TUSC3: variants seen among roughly 807,000 people sequenced by gnomAD.
TUSC3 encodes dolichyl-diphosphooligosaccharide--protein glycosyltransferase subunit TUSC3.
TUSC3 carries 45 observed loss-of-function variants against 44.8 expected under a neutral mutation model. The observed-to-expected ratio is 1.00, with a 90% confidence interval of 0.79 to 1.29. TUSC3 has a LOEUF of 1.29. Among genes scored for constraint, TUSC3 ranks in the 50% most tolerant of loss-of-function variants. The probability of loss-of-function intolerance (pLI) is 0.00; values close to 1 mark genes in which losing one functional copy is unlikely to be tolerated. For missense variants in TUSC3, 519 were observed against 437.9 expected (o/e 1.19, Z -1.65); for synonymous variants, 212 against 152.9 (o/e 1.39, Z -2.85).
chr8:15,727,347 C>G (rs1056027535), intron 6 of TUSC3, among the ~76,000 whole-genome samples: 2 of 152,092 alleles, frequency 1.3e-5, no homozygotes, highest in Non-Finnish European at 2.9e-5. Context: ...CCAGTAATCT[C>G]TTTGTTGCAC....
rs1413208180 is a variant in TUSC3 at position 15,708,044 on chromosome 8, A to G, written c.799-22622A>G. Among the ~76,000 whole-genome samples, 4 of 152,004 alleles carry G rather than the reference A, an allele frequency of 2.6e-5. No homozygotes were observed. In the East Asian group the frequency reaches 7.8e-4, roughly 29 times the overall value. Reference sequence around the variant, plus strand: ...CCTTTTCTGTCTCTTATAAAGTTATAAAGATACTCTCATTGGATTTTGGGC... The same window carrying G: ...CCTTTTCTGTCTCTTATAAAGTTATGAAGATACTCTCATTGGATTTTGGGC... On this transcript the variant is annotated intron_variant, in intron 6 of 10. Transcript: ENST00000503731.
intron 2 of TUSC3, among the ~76,000 whole-genome samples, chr8:15,493,342 G>A (rs1488576906): frequency 6.6e-6 from 1 of 151,922 alleles, no homozygotes; most frequent in African/African-American, 2.4e-5. Flanking sequence ...CTCACAGCAG[G>A]GTCAAACTCC....
the TUSC3 span, among the ~76,000 whole-genome samples, chr8:15,803,331 T>C: frequency 4.6e-5 from 7 of 152,150 alleles, no homozygotes; most frequent in South Asian, 6.2e-4. Flanking sequence ...AGTACTATCA[T>C]CCTAATTAGA....
intron 5 of TUSC3, among the ~76,000 whole-genome samples, chr8:15,665,294 A>G (rs1217446044): frequency 6.6e-6 from 1 of 151,454 alleles, no homozygotes; most frequent in Non-Finnish European, 1.5e-5. Context: ...TGAATGAGAG[A>G]AATGTCTGGT....
At chr8:15,638,056 C>T (rs755846059) in intron 2 of TUSC3, among the ~76,000 whole-genome samples, 1 of 152,142 alleles carries the variant, frequency 6.6e-6, no homozygotes. Flanking sequence ...AAGCCCCTTT[C>T]TTTATGTTCC....
chr8:15,779,512 G>A, the TUSC3 span, among the ~76,000 whole-genome samples: 8 of 152,240 alleles, frequency 5.3e-5, no homozygotes, highest in East Asian at 1.4e-3. Context: ...CTGTCTAAAC[G>A]TCGTCACACT....
At chr8:15,594,360 A>C (rs1158069355) in intron 1 of TUSC3, among the ~76,000 whole-genome samples, 3 of 152,020 alleles carry the variant, frequency 2.0e-5, no homozygotes, top group Non-Finnish European at 4.4e-5. Flanking sequence ...CATCAGTGTC[A>C]GTTCTGGGTT....
At chr8:15,721,454 T>C (rs1190687865) in intron 6 of TUSC3, among the ~76,000 whole-genome samples, 2 of 152,026 alleles carry the variant, frequency 1.3e-5, no homozygotes, top group African/African-American at 4.8e-5. Context: ...TCCCCCAGGA[T>C]AAAAATTAAA....
chr8:15,781,639 G>C, the TUSC3 span, among the ~76,000 whole-genome samples: 1 of 152,164 alleles, frequency 6.6e-6, no homozygotes. Flanking sequence ...TGAGCCAAGA[G>C]ATTGAAATAG....
intron 3 of TUSC3, among the ~76,000 whole-genome samples, chr8:15,657,452 A>C (rs1295833131): frequency 6.6e-6 from 1 of 152,180 alleles, no homozygotes; most frequent in Admixed American, 6.5e-5. Context: ...AGTTCTTTGC[A>C]GTTTGTAAGA....
intron 1 of TUSC3, among the ~76,000 whole-genome samples, chr8:15,480,524 C>A (rs1213641994): frequency 6.6e-6 from 1 of 152,172 alleles, no homozygotes; most frequent in Admixed American, 6.5e-5. Context: ...ATAGCAGGAA[C>A]TCTTGCCTCA....
intron 5 of TUSC3, among the ~76,000 whole-genome samples, chr8:15,673,148 A>G (rs1266586145): frequency 1.3e-5 from 2 of 152,050 alleles, no homozygotes; most frequent in African/African-American, 2.4e-5. Context: ...TAGTTTTCCA[A>G]CTACAGCTTT....
chr8:15,520,200 A>T (rs140681278), intron 2 of TUSC3, among the ~76,000 whole-genome samples: 1 of 152,352 alleles, frequency 6.6e-6, no homozygotes, highest in East Asian at 1.9e-4. Flanking sequence ...AACACTGAGA[A>T]AGAGGAAAAA....
chr8:15,748,507 A>G (rs1464657321), intron 9 of TUSC3, 42 bp downstream of exon 9: 3 of 1,443,660 alleles, frequency 2.1e-6, no homozygotes, highest in Non-Finnish European at 2.9e-6. Context: ...ATTTTTAACT[A>G]ATAGAACAGA....
chr8:15,671,244 T>A (rs763475522), intron 5 of TUSC3, among the ~76,000 whole-genome samples: 1 of 152,004 alleles, frequency 6.6e-6, no homozygotes, highest in Non-Finnish European at 1.5e-5. Context: ...AGAGAGCTCC[T>A]GTCTTTCTGT....
intron 1 of TUSC3, among the ~76,000 whole-genome samples, chr8:15,573,875 T>C (rs960155720): frequency 1.3e-5 from 2 of 152,068 alleles, no homozygotes; most frequent in Admixed American, 6.6e-5. Context: ...ATTGCAACTT[T>C]CCTGACAGTT....
chr8:15,685,081 G>C (rs1808574573), intron 6 of TUSC3, among the ~76,000 whole-genome samples: 1 of 152,184 alleles, frequency 6.6e-6, no homozygotes, highest in African/African-American at 2.4e-5. Flanking sequence ...AACACCTTTG[G>C]TCACATTTTG....
At chr8:15,671,285 T>A (rs1164111010) in intron 5 of TUSC3, among the ~76,000 whole-genome samples, 1 of 152,010 alleles carries the variant, frequency 6.6e-6, no homozygotes, top group Non-Finnish European at 1.5e-5. Context: ...AATCTAGCTG[T>A]AACTATGAAT....
intron 1 of TUSC3, among the ~76,000 whole-genome samples, chr8:15,454,429 G>A (rs547626020): frequency 8.5e-5 from 13 of 152,196 alleles, no homozygotes; most frequent in Non-Finnish European, 1.2e-4. Context: ...CTCAGGAATA[G>A]AGTGACTGTT....
Sources: allele counts gnomAD v4.1 joint callset (sites outside exome capture counted in the v4.1 genomes callset), GRCh38; gene constraint gnomAD v4.1.1; transcripts MANE v1.5; gene names NCBI Gene and HGNC (gene_info 2026-07-23, HGNC 2026-07-21).